The following MDGA2 variants were observed in gnomAD, a reference collection of about 807,000 sequenced individuals.
MDGA2 encodes the protein MAM domain containing glycosylphosphatidylinositol anchor 2, also known as MAM domain-containing glycosylphosphatidylinositol anchor protein 2.
MDGA2 carries 40 observed loss-of-function variants against 117.8 expected under a neutral mutation model. The ratio of observed to expected loss-of-function variants is 0.34; its 90% CI spans 0.26 to 0.44. The LOEUF is 0.44. MDGA2 is among the 20% of genes least tolerant of loss of function. The probability of loss-of-function intolerance (pLI) is 1.00; values close to 1 mark genes in which losing one functional copy is unlikely to be tolerated. For synonymous variants in MDGA2, 452 were observed against 439.0 expected (o/e 1.03, Z -0.37); for missense variants, 1,123 against 1,250.6 (o/e 0.90, Z 1.54).
intron 1 of MDGA2, among the ~76,000 whole-genome samples, chr14:47,394,380 G>C (rs1891961681): frequency 6.6e-6 from 1 of 152,094 alleles, no homozygotes; most frequent in Non-Finnish European, 1.5e-5. Flanking sequence ...CTGTAACCTA[G>C]TGTAAAAGGT....
At chr14:46,879,027 T>C (rs1233740502) in intron 11 of MDGA2, among the ~76,000 whole-genome samples, 2 of 152,144 alleles carry the variant, frequency 1.3e-5, no homozygotes. Context: ...AACTTGCATG[T>C]ATAATTTTTT....
intron 9 of MDGA2, among the ~76,000 whole-genome samples, chr14:46,929,599 G>GTGTATA (rs1165201173): frequency 2.0e-4 from 3 of 15,270 alleles, no homozygotes; most frequent in Non-Finnish European, 2.6e-4. Flanking sequence ...GTGTGTGTGT[G>GTGTATA]TGTATATATA....
chr14:46,926,343 T>G (rs2138530383), intron 9 of MDGA2, among the ~76,000 whole-genome samples: 1 of 151,864 alleles, frequency 6.6e-6, no homozygotes, highest in Non-Finnish European at 1.5e-5. Flanking sequence ...AAACCTAATT[T>G]AAAACTTCTC....
At chr14:46,897,347 C>T (rs60821100) in intron 10 of MDGA2, among the ~76,000 whole-genome samples, 57,588 of 151,874 alleles carry the variant, frequency 0.38, 11,977 homozygotes, top group African/African-American at 0.54. Flanking sequence ...GATTTCTTAA[C>T]GCATTGCTTT....
chr14:47,153,807 T>C (rs187540737), intron 3 of MDGA2, among the ~76,000 whole-genome samples: 24 of 150,924 alleles, frequency 1.6e-4, no homozygotes, highest in Admixed American at 1.4e-3. Context: ...AAATCAATAG[T>C]AAATAAAATA....
At chr14:47,270,636 C>A (rs890581300) in intron 2 of MDGA2, among the ~76,000 whole-genome samples, 1 of 152,054 alleles carries the variant, frequency 6.6e-6, no homozygotes, top group East Asian at 1.9e-4. Context: ...AGCTCTTTTA[C>A]GGTGTTTTTA....
At chr14:47,074,622 G>A (rs1890423646) in intron 6 of MDGA2, among the ~76,000 whole-genome samples, 1 of 152,168 alleles carries the variant, frequency 6.6e-6, no homozygotes, top group African/African-American at 2.4e-5. Context: ...CAATTGCCAG[G>A]GAGAATATGT....
chr14:47,565,736 C>T (rs1337740506), intron 1 of MDGA2, among the ~76,000 whole-genome samples: 5 of 152,018 alleles, frequency 3.3e-5, no homozygotes, highest in African/African-American at 1.2e-4. Context: ...ATAGGCAGCC[C>T]TGGGGGCTGA....
At chr14:46,914,447 CT>C (rs1222230454) in intron 10 of MDGA2, among the ~76,000 whole-genome samples, 5 of 151,862 alleles carry the variant, frequency 3.3e-5, no homozygotes, top group Admixed American at 2.0e-4. Flanking sequence ...AATTTCAGTG[CT>C]TTTTTTCTAG....
At chr14:47,569,777 T>C (rs916396956) in intron 1 of MDGA2, among the ~76,000 whole-genome samples, 2 of 152,204 alleles carry the variant, frequency 1.3e-5, no homozygotes, top group Non-Finnish European at 2.9e-5. Context: ...TTAAGTATAT[T>C]TCAGGTACAG....
chr14:46,923,332 C>G (rs950581925), intron 9 of MDGA2, among the ~76,000 whole-genome samples: 1 of 151,766 alleles, frequency 6.6e-6, no homozygotes, highest in Non-Finnish European at 1.5e-5. Context: ...TTAGAAAATA[C>G]TTTAGAGATT....
chr14:46,918,017 C>T (rs1018316673), intron 10 of MDGA2, among the ~76,000 whole-genome samples: 1 of 151,980 alleles, frequency 6.6e-6, no homozygotes, highest in Non-Finnish European at 1.5e-5. Context: ...ATTTGAGGTG[C>T]ATAAAAGTAA....
rs1235952031 is a variant in MDGA2 at position 46,925,313 on chromosome 14, T to C, written c.2090-5153A>G. Among the ~76,000 whole-genome samples the C allele has an allele frequency of 3.9e-5, 6 of 151,966 alleles. No individual in the cohort carries two copies. In the East Asian group the frequency reaches 1.2e-3, roughly 29 times the overall value. ...CTAACAAGGTAAATAAATAGTAAGA[T>C]TAGACTTAAGATAATAGAAAAATAA... is the stretch of plus-strand genomic sequence containing the variant. On this transcript the variant is annotated intron_variant, in intron 9 of 16. Coordinates refer to ENST00000399232, the MANE Select transcript of MDGA2 (RefSeq NM_001113498.3).
chr14:47,506,994 CTTT>C (rs34589993), intron 1 of MDGA2, among the ~76,000 whole-genome samples: 3 of 136,016 alleles, frequency 2.2e-5, no homozygotes, highest in Non-Finnish European at 3.2e-5. Context: ...AGGCTGCTTA[CTTT>C]TTTTTTTTTT....
rs1333253061 is a variant in MDGA2 at position 47,218,163 on chromosome 14, A to G, written c.453T>C (p.Ser151=). ...IRWTKTAGSA[S]DRFQDSSVFN... Reference sequence around the variant, plus strand: ...AGACACTTGAGTCTTGGAATCTGTCAGAGGCACTTCCTGCTGTTTTGGTCC... The same window carrying G: ...AGACACTTGAGTCTTGGAATCTGTCGGAGGCACTTCCTGCTGTTTTGGTCC... Residue 151 remains serine, a synonymous_variant, in exon 3 of 17, where the codon TCT becomes TCC. Transcript: ENST00000399232. 6.5e-7 allele frequency: 1 copy of G among 1,550,320 alleles called. No individual in the cohort carries two copies. Among genetic ancestry groups the G allele is most frequent in the Non-Finnish European group, 8.7e-7 (1 of 1,146,282 alleles).
At chr14:47,381,024 GCT>G (rs1328195257) in intron 1 of MDGA2, among the ~76,000 whole-genome samples, 1 of 152,136 alleles carries the variant, frequency 6.6e-6, no homozygotes, top group Non-Finnish European at 1.5e-5. Flanking sequence ...GATCAAGTTG[GCT>G]TCACTCCTAG....
rs111599423 is a variant in MDGA2 at position 47,280,848 on chromosome 14, T to C, written c.420+20563A>G. On this transcript the variant is annotated intron_variant, in intron 2 of 16. Transcript: ENST00000399232. Reference sequence around the variant, plus strand: ...TTTTATTGGTCTTAAATTCAAGACATATCATATTCTCTGTAAATACTTCAG... The same window carrying C: ...TTTTATTGGTCTTAAATTCAAGACACATCATATTCTCTGTAAATACTTCAG... Among the ~76,000 whole-genome samples, 156 of 151,442 alleles carry C rather than the reference T, an allele frequency of 1.0e-3. 1 individual carries two copies. Among genetic ancestry groups the C allele is most frequent in the African/African-American group, 3.7e-3 (153 of 41,420 alleles).
chr14:47,368,417 C>T, intron 1 of MDGA2, among the ~76,000 whole-genome samples: 1 of 152,230 alleles, frequency 6.6e-6, no homozygotes, highest in Non-Finnish European at 1.5e-5. Flanking sequence ...TTAAATATTT[C>T]TACTACCATC....
intron 1 of MDGA2, among the ~76,000 whole-genome samples, chr14:47,388,723 G>A (rs1394201504): frequency 6.6e-6 from 1 of 152,108 alleles, no homozygotes; most frequent in Non-Finnish European, 1.5e-5. Flanking sequence ...ACAGAAAGCT[G>A]GTCTCAGAGA....
Sources: gnomAD v4.1 joint callset for allele counts (sites outside exome capture counted in the v4.1 genomes callset) on GRCh38, gnomAD v4.1.1 for gene constraint, MANE v1.5 for transcripts, NCBI Gene and HGNC (gene_info 2026-07-23, HGNC 2026-07-21) for gene names.